Variants in LRMDA observed in about 807,000 individuals in gnomAD.
LRMDA encodes leucine-rich melanocyte differentiation-associated protein.
A neutral mutation model predicts 29.8 loss-of-function variants in LRMDA; 18 were observed. That is an observed-to-expected ratio of 0.60 (90% confidence interval 0.42 to 0.90). The LOEUF is 0.90. Ranked by LOEUF, LRMDA falls within the 40% of genes least tolerant of loss-of-function variation. LRMDA has a pLI of 0.00. For synonymous variants in LRMDA, 125 were observed against 109.4 expected (o/e 1.14, Z -0.89); for missense variants, 273 against 273.9 (o/e 1.00, Z 0.02).
At chr10:76,324,290 G>C in intron 5 of LRMDA, 111 bp from the exon 6 acceptor site, 1 of 928,516 alleles carries the variant, frequency 1.1e-6, no homozygotes, top group Non-Finnish European at 1.7e-6. Flanking sequence ...GTATCTTGGT[G>C]AATAATATTT....
intron 2 of LRMDA, among the ~76,000 whole-genome samples, chr10:75,997,206 T>C (rs1203533790): frequency 6.6e-6 from 1 of 152,154 alleles, no homozygotes; most frequent in East Asian, 1.9e-4. Flanking sequence ...ACACACATAC[T>C]CCTTTCTGTA....
intron 6 of LRMDA, among the ~76,000 whole-genome samples, chr10:76,440,407 C>A (rs1443995187): frequency 6.6e-6 from 1 of 152,258 alleles, no homozygotes; most frequent in African/African-American, 2.4e-5. Context: ...CTTCTCACCC[C>A]AAAATGGCCT....
intron 2 of LRMDA, among the ~76,000 whole-genome samples, chr10:75,977,730 G>A (rs912554405): frequency 1.3e-5 from 2 of 152,104 alleles, no homozygotes; most frequent in Admixed American, 6.6e-5. Flanking sequence ...TTTGAGCTTC[G>A]AAGAAGCCAG....
At chr10:75,835,725 G>A (rs570108755) in intron 2 of LRMDA, among the ~76,000 whole-genome samples, 2 of 152,282 alleles carry the variant, frequency 1.3e-5, no homozygotes, top group African/African-American at 4.8e-5. Flanking sequence ...GTAAAGTGAG[G>A]GGATTAAACT....
In LRMDA at chr10:75,694,373, C is replaced by T. The variant is rs567886451; in HGVS notation, c.131+255879C>T. 3.1e-4 allele frequency among the ~76,000 whole-genome samples: 47 copies of T among 152,240 alleles called. No individual in the cohort carries two copies. In the South Asian group the frequency reaches 5.0e-3, roughly 16 times the overall value. On this transcript the variant is annotated intron_variant, in intron 2 of 6. Coordinates refer to ENST00000611255, the MANE Select transcript of LRMDA (RefSeq NM_001305581.2). Reference sequence around the variant, plus strand: ...ATATGGAGTCATTTGTCCTACCCACCGTAGGATGCAAACCACAAGAGGTAA... The same window carrying T: ...ATATGGAGTCATTTGTCCTACCCACTGTAGGATGCAAACCACAAGAGGTAA...
At chr10:76,289,668 G>T (rs1840315155) in intron 5 of LRMDA, among the ~76,000 whole-genome samples, 2 of 152,150 alleles carry the variant, frequency 1.3e-5, no homozygotes, top group Admixed American at 6.5e-5. Context: ...ATTGGGCTTG[G>T]TGTCTTCCAA....
chr10:75,608,129 T>TATATATATATATATATATACAC (rs11271217), intron 2 of LRMDA, among the ~76,000 whole-genome samples: 3,762 of 84,490 alleles, frequency 0.045, 150 homozygotes, highest in Non-Finnish European at 0.076. Context: ...TATATATATA[T>TATATATATATATATATATACAC]ACACACACAT....
intron 5 of LRMDA, among the ~76,000 whole-genome samples, chr10:76,244,586 T>C (rs907908286): frequency 2.0e-5 from 3 of 152,178 alleles, no homozygotes; most frequent in African/African-American, 7.2e-5. Flanking sequence ...AGCTGCAGTG[T>C]GGCTGGCCAG....
At chr10:76,000,637 G>A (rs1414430109) in intron 2 of LRMDA, among the ~76,000 whole-genome samples, 1 of 152,168 alleles carries the variant, frequency 6.6e-6, no homozygotes, top group South Asian at 2.1e-4. Context: ...TGGGCTGCAG[G>A]TGAGGCTTAT....
At chr10:76,017,369 C>T (rs1319525250) in intron 2 of LRMDA, among the ~76,000 whole-genome samples, 5 of 152,314 alleles carry the variant, frequency 3.3e-5, no homozygotes, top group Non-Finnish European at 5.9e-5. Context: ...TCAGAGGGAG[C>T]GTGGCCCTAC....
chr10:76,186,575 G>A (rs1296418946), intron 5 of LRMDA, among the ~76,000 whole-genome samples: 1 of 152,152 alleles, frequency 6.6e-6, no homozygotes, highest in Non-Finnish European at 1.5e-5. Flanking sequence ...GGTGGGTTAG[G>A]ACCACCCTCC....
chr10:76,366,658 T>A (rs1490587898), intron 6 of LRMDA, among the ~76,000 whole-genome samples: 1 of 152,158 alleles, frequency 6.6e-6, no homozygotes, highest in African/African-American at 2.4e-5. Context: ...TCTGGAGGAG[T>A]CCTTAGGGTT....
chr10:75,985,240 G>A (rs185685741), intron 2 of LRMDA, among the ~76,000 whole-genome samples: 2 of 152,298 alleles, frequency 1.3e-5, no homozygotes, highest in Admixed American at 6.5e-5. Context: ...GTAAATAAGA[G>A]GAAGTATTAG....
rs554454720 is a variant in LRMDA at position 75,437,473 on chromosome 10, T to C, written c.31-921T>C. ...CATGTTGTATTTTAGGGAAACAGCA[T>C]GCATTGTGGCCCACTGGTCAACTCG... On this transcript the variant is annotated intron_variant, in intron 1 of 6. Coordinates refer to ENST00000611255, the MANE Select transcript of LRMDA (RefSeq NM_001305581.2). Among the ~76,000 whole-genome samples, 5 of 152,332 alleles carry C rather than the reference T, an allele frequency of 3.3e-5. No individual in the cohort carries two copies. In the East Asian group the frequency reaches 9.7e-4, roughly 29 times the overall value.
At chr10:76,346,385 C>G (rs892627636) in intron 6 of LRMDA, 3 of 152,126 alleles carry the variant, frequency 2.0e-5, no homozygotes, top group Non-Finnish European at 4.4e-5. Context: ...TCCCCAAGGC[C>G]AAGTGATAAA....
intron 5 of LRMDA, among the ~76,000 whole-genome samples, chr10:76,140,965 T>C (rs1164647648): frequency 6.6e-6 from 1 of 152,088 alleles, no homozygotes; most frequent in Non-Finnish European, 1.5e-5. Flanking sequence ...CTAAAAATCA[T>C]ACTCTTTTCA....
intron 2 of LRMDA, among the ~76,000 whole-genome samples, chr10:75,900,322 A>G (rs1407640064): frequency 6.6e-6 from 1 of 152,216 alleles, no homozygotes; most frequent in African/African-American, 2.4e-5. Flanking sequence ...GTTGGAGCTG[A>G]CTTGATGGGA....
At chr10:75,593,725 T>C (rs912563875) in intron 2 of LRMDA, among the ~76,000 whole-genome samples, 1 of 152,224 alleles carries the variant, frequency 6.6e-6, no homozygotes, top group Non-Finnish European at 1.5e-5. Flanking sequence ...AAAAATTTAC[T>C]GATTCCATGG....
At chr10:76,519,613 C>G (rs1415479123) in intron 6 of LRMDA, among the ~76,000 whole-genome samples, 5 of 152,092 alleles carry the variant, frequency 3.3e-5, no homozygotes, top group African/African-American at 1.2e-4. Flanking sequence ...TGACAGCTTT[C>G]CCACAAAACT....
Sources: allele counts gnomAD v4.1 joint callset (sites outside exome capture counted in the v4.1 genomes callset), GRCh38; gene constraint gnomAD v4.1.1; transcripts MANE v1.5; gene names NCBI Gene and HGNC (gene_info 2026-07-23, HGNC 2026-07-21).